NPLOC4: variants seen among roughly 807,000 people sequenced by gnomAD.
NPLOC4 encodes nuclear protein localization protein 4 homolog.
Under a neutral mutation model 80.6 loss-of-function variants are expected in NPLOC4, and 18 were observed. The observed-to-expected ratio is 0.22, with a 90% CI of 0.15 to 0.33. NPLOC4 has a LOEUF of 0.33. Ranked by LOEUF, NPLOC4 falls within the 10% of genes least tolerant of loss-of-function variation. NPLOC4 has a pLI of 1.00. For synonymous variants in NPLOC4, 313 were observed against 301.5 expected (o/e 1.04, Z -0.39); for missense variants, 540 against 786.1 (o/e 0.69, Z 3.74).
chr17:81,602,944 CACACACATATATAT>C (rs1001927714), intron 8 of NPLOC4, among the ~76,000 whole-genome samples: 34 of 130,956 alleles, frequency 2.6e-4, no homozygotes, highest in Admixed American at 1.5e-3. Flanking sequence ...TATATATATA[CACACACATATATAT>C]ACACACATAT....
intron 3 of NPLOC4, among the ~76,000 whole-genome samples, chr17:81,616,333 A>AAAGAAAC (rs2035486111): frequency 8.6e-6 from 1 of 115,616 alleles, no homozygotes; most frequent in East Asian, 2.6e-4. Flanking sequence ...AAAAAAAAAA[A>AAAGAAAC]AAAAAGAAAA....
intron 16 of NPLOC4, chr17:81,564,453 C>A (rs1289779590): frequency 6.6e-6 from 1 of 152,180 alleles, no homozygotes; most frequent in African/African-American, 2.4e-5. Context: ...GAGTGAGACC[C>A]TGTCTCTACA....
At position 81,557,600 on chromosome 17, in the gene NPLOC4, G is replaced by A. The variant is rs1352578418; in HGVS notation, c.*1659C>T. 2.0e-5 allele frequency: 3 copies of A among 152,368 alleles called. No homozygotes were observed. The highest frequency in any genetic ancestry group is 2.9e-5 in the Non-Finnish European group (2 of 68,134). 9.4% of individuals were successfully genotyped at this position (152,368 alleles called of 1,614,324 possible). ...AATGCAGGAAGCCTTGGCCACCTAGGCTCACAGCTCATCTCAGGACCAGAG... is the reference window on the plus strand; with the variant it reads ...AATGCAGGAAGCCTTGGCCACCTAGACTCACAGCTCATCTCAGGACCAGAG... On this transcript the variant is annotated 3_prime_UTR_variant, in exon 17 of 17. Transcript: ENST00000331134.
rs2034902496 is a variant in NPLOC4 at position 81,596,103 on chromosome 17, G to A, written c.1120+13C>T. The A allele has an allele frequency of 1.2e-6, 2 of 1,612,426 alleles. No individual in the cohort carries two copies. The highest frequency in any genetic ancestry group is 1.7e-6 in the Non-Finnish European group (2 of 1,178,756). Reference sequence around the variant, plus strand: ...GGTGGTAATATTTACAGTACATACTGTCCCTGTTATACCTGTAGCCACTGC... The same window carrying A: ...GGTGGTAATATTTACAGTACATACTATCCCTGTTATACCTGTAGCCACTGC... On this transcript the variant is annotated intron_variant, in intron 11 of 16. Transcript: ENST00000331134.
At chr17:81,633,054 C>T (rs1284148882) in intron 1 of NPLOC4, among the ~76,000 whole-genome samples, 1 of 146,528 alleles carries the variant, frequency 6.8e-6, no homozygotes, top group African/African-American at 2.6e-5. Flanking sequence ...GGCGTGAACC[C>T]AGGAGGCAGA....
At chr17:81,561,354 A>T (rs781319171) in intron 16 of NPLOC4, among the ~76,000 whole-genome samples, 5 of 152,206 alleles carry the variant, frequency 3.3e-5, no homozygotes, top group Non-Finnish European at 5.9e-5. Context: ...AGTTTCAGAT[A>T]GAAGTCATGT....
chr17:81,623,826 T>C (rs890652956), intron 2 of NPLOC4, among the ~76,000 whole-genome samples: 3 of 152,052 alleles, frequency 2.0e-5, no homozygotes, highest in African/African-American at 7.3e-5. Flanking sequence ...CAATTCCAAT[T>C]CTGAAACCTA....
intron 11 of NPLOC4, among the ~76,000 whole-genome samples, chr17:81,589,943 T>C (rs1025849563): frequency 4.0e-5 from 6 of 151,720 alleles, no homozygotes; most frequent in South Asian, 2.1e-4. Flanking sequence ...TGGTTCATAA[T>C]AACACCAGGG....
chr17:81,616,449 G>A (rs1332065966), intron 3 of NPLOC4, among the ~76,000 whole-genome samples: 4 of 151,852 alleles, frequency 2.6e-5, no homozygotes, highest in African/African-American at 9.7e-5. Flanking sequence ...GTAACACATG[G>A]GCCAGGCACA....
intron 14 of NPLOC4, among the ~76,000 whole-genome samples, chr17:81,568,749 A>G (rs1180248752): frequency 4.6e-5 from 7 of 152,268 alleles, no homozygotes; most frequent in Admixed American, 4.6e-4. Flanking sequence ...CAGAAGACAC[A>G]AAGCAACACA....
At chr17:81,623,016 G>A (rs920969344) in intron 2 of NPLOC4, among the ~76,000 whole-genome samples, 6 of 151,676 alleles carry the variant, frequency 4.0e-5, no homozygotes, top group Non-Finnish European at 5.9e-5. Flanking sequence ...CCAACATGGT[G>A]AATCCCCGTT....
chr17:81,562,929 A>G (rs1266699275), intron 16 of NPLOC4: 1 of 149,474 alleles, frequency 6.7e-6, no homozygotes, highest in Non-Finnish European at 1.5e-5. Context: ...CAGAGTGAGA[A>G]CCTGTCTCAA....
intron 12 of NPLOC4, among the ~76,000 whole-genome samples, chr17:81,584,638 C>T (rs758829452): frequency 6.6e-6 from 1 of 152,092 alleles, no homozygotes; most frequent in African/African-American, 2.4e-5. Context: ...AAGGATAATA[C>T]GTGTAGGAAA....
At position 81,567,479 on chromosome 17, in the gene NPLOC4, C is replaced by G. The variant is rs1249152517; in HGVS notation, c.1504G>C (p.Asp502His). 2 of 1,613,626 alleles carry G rather than the reference C, an allele frequency of 1.2e-6. No homozygotes were observed. The highest frequency in any genetic ancestry group is 2.7e-5 in the African/African-American group (2 of 74,896). Residue 502 changes from aspartate to histidine, a missense_variant, in exon 15 of 17, where the codon GAT becomes CAT. Physicochemically the swap from Asp to His is moderately conservative, Grantham distance 81. This residue lies in a region of NPLOC4 where 251 missense variants were observed against 377.5 expected (regional missense o/e 0.66). Coordinates refer to ENST00000331134, the MANE Select transcript of NPLOC4 (RefSeq NM_017921.4). This position sits in a 1 kb window ranked among gnomAD's most constrained non-coding sequence, Gnocchi z 4.5. ...LSQNTSSVFL[D>H]TISDFHLLLF... is the part of the protein sequence containing the mutation. ...AAGAGGTGGAAATCTGAGATGGTAT[C>G]CAAGAACACAGATGAGGTATTCTGA...
intron 9 of NPLOC4, 23 bp from the exon 10 acceptor site, chr17:81,597,339 T>C: frequency 6.3e-7 from 1 of 1,586,130 alleles, no homozygotes; most frequent in South Asian, 1.1e-5. Context: ...AAAGTAGCTT[T>C]TAAACATCTC....
In NPLOC4 at chr17:81,613,357, T is replaced by A; in HGVS notation, c.347A>T (p.Lys116Ile). Residue 116 changes from lysine to isoleucine, a missense_variant, in exon 4 of 17, where the codon AAA becomes ATA. Lys to Ile is a moderately radical substitution (Grantham distance 102). Coordinates refer to ENST00000331134, the MANE Select transcript of NPLOC4 (RefSeq NM_017921.4). ...VEDEIDQYLS[K>I]QDGKIYRSRD... is the part of the protein sequence containing the mutation. ...GCTTCTGTAAATCTTCCCGTCCTGTTTGCTGAGGTACTGATCAATCTCATC... is the reference window on the plus strand; with the variant it reads ...GCTTCTGTAAATCTTCCCGTCCTGTATGCTGAGGTACTGATCAATCTCATC... 3.1e-6 allele frequency: 5 copies of A among 1,613,990 alleles called. No individual in the cohort carries two copies. The highest frequency in any genetic ancestry group is 4.2e-6 in the Non-Finnish European group (5 of 1,179,884).
Position 81,589,085 on chromosome 17 carries a change from G to C in NPLOC4, c.1140C>G (p.Val380=). ...AVATGGPDNQ[V]HFEGYQVSNQ... ...TGGACACCTGGTACCCTTCAAAGTG[G>C]ACTTGGTTGTCAGGACCACCTGCAA... Residue 380 remains valine (V), a synonymous_variant, in exon 12 of 17, where the codon GTC becomes GTG. Transcript: ENST00000331134. The C allele has an allele frequency of 6.2e-7, 1 of 1,612,626 alleles. No homozygotes were observed. The highest frequency in any genetic ancestry group is 8.5e-7 in the Non-Finnish European group (1 of 1,179,374).
At chr17:81,565,655 G>A (rs1454097979) in intron 15 of NPLOC4, 48 bp from the exon 16 acceptor site, 1 of 1,370,020 alleles carries the variant, frequency 7.3e-7, no homozygotes, top group South Asian at 1.4e-5. Flanking sequence ...CCTAAGGTGA[G>A]CAGCTTCCTG....
chr17:81,559,863 G>A (rs1035238182), intron 16 of NPLOC4, among the ~76,000 whole-genome samples: 3 of 150,940 alleles, frequency 2.0e-5, no homozygotes, highest in African/African-American at 7.3e-5. Flanking sequence ...CTCCCAAGTA[G>A]CTGGGATTAC....
Sources: allele counts gnomAD v4.1 joint callset (sites outside exome capture counted in the v4.1 genomes callset), GRCh38; gene constraint gnomAD v4.1.1; regional missense constraint gnomAD v4.1.1; non-coding constraint Gnocchi (gnomAD v3.1); transcripts MANE v1.5; gene names NCBI Gene and HGNC (gene_info 2026-07-23, HGNC 2026-07-21).